SIPA1L1: variants seen among roughly 807,000 people sequenced by gnomAD.
The protein encoded by SIPA1L1 is signal-induced proliferation-associated 1-like protein 1.
Under a neutral mutation model 162.7 loss-of-function variants are expected in SIPA1L1, and 26 were observed. That is an observed-to-expected ratio of 0.16 (90% CI 0.12 to 0.22). The LOEUF (loss-of-function observed/expected upper bound fraction) is 0.22. Among genes scored for constraint, SIPA1L1 ranks in the 10% least tolerant of loss-of-function variants. SIPA1L1 has a pLI of 1.00. For missense variants in SIPA1L1, 1,874 were observed against 2,241.0 expected, an observed-to-expected ratio of 0.84 and a Z score of 3.31; for synonymous variants, 829 against 837.4, an observed-to-expected ratio of 0.99 and a Z score of 0.17.
At chr14:71,345,103 G>C (rs1361921362) in intron 2 of SIPA1L1, among the ~76,000 whole-genome samples, 3 of 152,076 alleles carry the variant, frequency 2.0e-5, no homozygotes, top group East Asian at 3.9e-4. Context: ...AGGTGGGAGT[G>C]GGGGAGAAGG....
intron 2 of SIPA1L1, among the ~76,000 whole-genome samples, chr14:71,330,911 A>G (rs758620633): frequency 1.2e-4 from 19 of 152,190 alleles, no homozygotes; most frequent in Non-Finnish European, 2.5e-4. Flanking sequence ...ATGCACAAAA[A>G]TTTTTTAGTT....
At chr14:71,365,665 A>G (rs2038216497) in intron 2 of SIPA1L1, among the ~76,000 whole-genome samples, 2 of 152,000 alleles carry the variant, frequency 1.3e-5, no homozygotes, top group East Asian at 1.9e-4. Context: ...TCCTTCAACT[A>G]TGTGAAGTAT....
intron 4 of SIPA1L1, among the ~76,000 whole-genome samples, chr14:71,583,989 A>G (rs892860291): frequency 1.3e-5 from 2 of 152,112 alleles, no homozygotes; most frequent in African/African-American, 4.8e-5. Context: ...TTCCACAGTG[A>G]TATTATTACT....
At chr14:71,704,542 A>G (rs958026066) in intron 15 of SIPA1L1, among the ~76,000 whole-genome samples, 3 of 152,156 alleles carry the variant, frequency 2.0e-5, no homozygotes, top group Non-Finnish European at 4.4e-5. Flanking sequence ...TGTCCTCTAC[A>G]TGTTAGGAAG....
chr14:71,738,081 TA>T (rs2085458613), intron 22 of SIPA1L1, among the ~76,000 whole-genome samples, 159 bp from the exon 23 acceptor site: 1 of 151,364 alleles, frequency 6.6e-6, no homozygotes, highest in Non-Finnish European at 1.5e-5. Context: ...TTTTCTTTTT[TA>T]AAGTAAAAAT....
intron 2 of SIPA1L1, among the ~76,000 whole-genome samples, chr14:71,398,090 A>G (rs954921671): frequency 3.8e-5 from 5 of 130,424 alleles, no homozygotes; most frequent in East Asian, 4.4e-4. Flanking sequence ...ATCTCTGCTC[A>G]CTGCAACCTC....
intron 2 of SIPA1L1, among the ~76,000 whole-genome samples, chr14:71,480,824 A>G (rs2048301260): frequency 6.6e-6 from 1 of 152,164 alleles, no homozygotes; most frequent in South Asian, 2.1e-4. Context: ...ATTAATATAT[A>G]TTGTGTAAAA....
intron 2 of SIPA1L1, among the ~76,000 whole-genome samples, chr14:71,446,894 G>GGTTTTTTTTTTTTTTTTTTTTTTT (rs2045394010): frequency 1.1e-5 from 1 of 87,406 alleles, no homozygotes; most frequent in African/African-American, 4.4e-5. Flanking sequence ...GATGGGCTCT[G>GGTTTTTTTTTTTTTTTTTTTTTTT]TTTTTTTTTT....
chr14:71,605,896 C>T (rs1370266577), intron 5 of SIPA1L1, among the ~76,000 whole-genome samples: 1 of 152,010 alleles, frequency 6.6e-6, no homozygotes, highest in African/African-American at 2.4e-5. Context: ...GTGGGCTGTA[C>T]AGTTGTTGGA....
chr14:71,327,680 T>C (rs982540286), intron 2 of SIPA1L1, among the ~76,000 whole-genome samples: 3 of 152,208 alleles, frequency 2.0e-5, no homozygotes, highest in African/African-American at 7.2e-5. Flanking sequence ...CTCTGAACCA[T>C]ACTGCTTGAC....
intron 20 of SIPA1L1, among the ~76,000 whole-genome samples, chr14:71,730,782 A>G (rs1003079789): frequency 5.3e-5 from 8 of 152,202 alleles, no homozygotes; most frequent in African/African-American, 1.7e-4. Flanking sequence ...TGCAGTGAGC[A>G]GGCAAGCATT....
intron 3 of SIPA1L1, among the ~76,000 whole-genome samples, chr14:71,519,739 G>T (rs951971144): frequency 6.6e-6 from 1 of 152,044 alleles, no homozygotes; most frequent in African/African-American, 2.4e-5. Context: ...GACTGAGGCA[G>T]GATTATTGCT....
At chr14:71,424,985 TG>T (rs1242365479) in intron 2 of SIPA1L1, among the ~76,000 whole-genome samples, 1 of 152,108 alleles carries the variant, frequency 6.6e-6, no homozygotes, top group Non-Finnish European at 1.5e-5. Flanking sequence ...AATTTAATGT[TG>T]GTAACATTTT....
At chr14:71,483,442 G>A (rs558394057) in intron 2 of SIPA1L1, among the ~76,000 whole-genome samples, 1 of 152,256 alleles carries the variant, frequency 6.6e-6, no homozygotes, top group East Asian at 1.9e-4. Context: ...ATTCATGTGA[G>A]ACTTCAAAAC....
At chr14:71,654,399 T>C (rs747029355) in intron 8 of SIPA1L1, among the ~76,000 whole-genome samples, 14 of 152,170 alleles carry the variant, frequency 9.2e-5, no homozygotes, top group Non-Finnish European at 5.9e-5. Flanking sequence ...CTGGAGACCA[T>C]CCTCATTTTT....
intron 2 of SIPA1L1, among the ~76,000 whole-genome samples, chr14:71,378,626 T>G (rs945841742): frequency 6.6e-6 from 1 of 152,208 alleles, no homozygotes; most frequent in East Asian, 1.9e-4. Context: ...ATTGCCACAT[T>G]TTCTGTGAAT....
chr14:71,518,829 A>G (rs2052004319), intron 3 of SIPA1L1, among the ~76,000 whole-genome samples: 1 of 152,130 alleles, frequency 6.6e-6, no homozygotes, highest in African/African-American at 2.4e-5. Flanking sequence ...TAAGAAAAAG[A>G]GGTTTAATTG....
At chr14:71,645,711 A>T (rs1278029827) in intron 7 of SIPA1L1, among the ~76,000 whole-genome samples, 1 of 152,210 alleles carries the variant, frequency 6.6e-6, no homozygotes, top group East Asian at 1.9e-4. Flanking sequence ...TGCTTGATTC[A>T]TGCAAAAGTG....
At chr14:71,380,995 A>G (rs1022407237) in intron 2 of SIPA1L1, among the ~76,000 whole-genome samples, 6 of 152,202 alleles carry the variant, frequency 3.9e-5, no homozygotes, top group East Asian at 1.9e-4. Context: ...ATAATTGACT[A>G]TTACCCCCAT....
Sources: gnomAD v4.1 joint callset for allele counts (sites outside exome capture counted in the v4.1 genomes callset) on GRCh38, gnomAD v4.1.1 for gene constraint, MANE v1.5 for transcripts, NCBI Gene and HGNC (gene_info 2026-07-23, HGNC 2026-07-21) for gene names.